Variants in DEPDC5 observed in about 807,000 individuals in gnomAD.
DEPDC5 encodes GATOR1 complex protein DEPDC5.
A neutral mutation model predicts 217.3 loss-of-function variants in DEPDC5; 73 were observed. The observed-to-expected ratio is 0.34, with a 90% CI of 0.28 to 0.41. DEPDC5 has a LOEUF of 0.41. DEPDC5 is among the 10% of genes least tolerant of loss of function. The pLI is 1.00. For synonymous variants in DEPDC5, 733 were observed against 756.7 expected (o/e 0.97, Z 0.51); for missense variants, 1,675 against 2,070.1 (o/e 0.81, Z 3.70).
intron 7 of DEPDC5, among the ~76,000 whole-genome samples, chr22:31,775,219 G>A (rs1167271759): frequency 6.7e-6 from 1 of 149,504 alleles, no homozygotes; most frequent in East Asian, 2.0e-4. Context: ...TACTCTTGTT[G>A]CCCAGGCTGG....
chr22:31,898,112 T>G (rs1467071946), intron 40 of DEPDC5, among the ~76,000 whole-genome samples: 1 of 152,132 alleles, frequency 6.6e-6, no homozygotes, highest in African/African-American at 2.4e-5. Flanking sequence ...CATCCTTTTG[T>G]GCAAAGCTGT....
chr22:31,772,280 G>A (rs2083433832), intron 7 of DEPDC5, among the ~76,000 whole-genome samples: 1 of 152,068 alleles, frequency 6.6e-6, no homozygotes, highest in Non-Finnish European at 1.5e-5. Flanking sequence ...AAACATCCAA[G>A]CAACTAAAGC....
chr22:31,822,559 G>C (rs1194685110), intron 23 of DEPDC5, 134 bp from the exon 24 acceptor site: 1 of 766,002 alleles, frequency 1.3e-6, no homozygotes, highest in East Asian at 2.8e-5. Flanking sequence ...GATTCCAGTG[G>C]CTGCCAGCTT....
Position 31,862,050 on chromosome 22 carries a change from C to T in DEPDC5, c.3330+617C>T, listed in dbSNP as rs564668693. Among the ~76,000 whole-genome samples, 10 of 152,040 alleles carry T rather than the reference C, an allele frequency of 6.6e-5. No homozygotes were observed. The South Asian group carries it at 2.1e-3, about 32-fold the overall frequency. The stretch of plus-strand genomic sequence containing the variant: ...GGTCAGGAGTTCAGTTTGAGACCAG[C>T]CTCAACATGGAGAAACCCCATCTCT... On this transcript the variant is annotated intron_variant, in intron 33 of 42. Coordinates refer to ENST00000651528, the MANE Select transcript of DEPDC5 (RefSeq NM_001242896.3).
chr22:31,770,547 A>ATTTTTTTTTTTTTTTT (rs34409975), intron 7 of DEPDC5, among the ~76,000 whole-genome samples: 61 of 133,456 alleles, frequency 4.6e-4, no homozygotes, highest in African/African-American at 7.5e-4. Context: ...CACGTAGCTA[A>ATTTTTTTTTTTTTTTT]TTTTTTTTTT....
intron 24 of DEPDC5, among the ~76,000 whole-genome samples, chr22:31,824,707 C>T (rs557705614): frequency 2.0e-5 from 3 of 152,108 alleles, no homozygotes; most frequent in Admixed American, 2.0e-4. Flanking sequence ...GTGGCTCACA[C>T]CTGTAATCCC....
intron 32 of DEPDC5, 27 bp downstream of exon 32, chr22:31,857,580 C>T (rs752272714): frequency 1.9e-6 from 3 of 1,567,124 alleles, no homozygotes; most frequent in Non-Finnish European, 2.6e-6. Flanking sequence ...TAGCAGGGAG[C>T]TGTTCTGTGC....
At chr22:31,828,693 A>G (rs2090354852) in intron 24 of DEPDC5, among the ~76,000 whole-genome samples, 2 of 151,958 alleles carry the variant, frequency 1.3e-5, no homozygotes, top group Non-Finnish European at 2.9e-5. Context: ...CTCAGTTTTC[A>G]TGGAACATGT....
chr22:31,825,621 A>C (rs2090083768), intron 24 of DEPDC5, among the ~76,000 whole-genome samples: 1 of 151,874 alleles, frequency 6.6e-6, no homozygotes, highest in African/African-American at 2.4e-5. Context: ...CTCCGTTCTC[A>C]CTGCATTGTT....
chr22:31,802,247 G>C (rs980586275), intron 14 of DEPDC5, among the ~76,000 whole-genome samples: 13 of 149,850 alleles, frequency 8.7e-5, no homozygotes, highest in South Asian at 8.4e-4. Context: ...TCCCATCTCA[G>C]CCTCCCACAT....
intron 26 of DEPDC5, 99 bp downstream of exon 26, chr22:31,837,254 C>A: frequency 7.7e-7 from 1 of 1,294,924 alleles, no homozygotes; most frequent in Non-Finnish European, 1.1e-6. Flanking sequence ...GCTTCAGCAA[C>A]ACATATATTA....
intron 32 of DEPDC5, among the ~76,000 whole-genome samples, chr22:31,859,558 ATTTTTT>A (rs1388581652): frequency 6.6e-6 from 1 of 150,984 alleles, no homozygotes; most frequent in East Asian, 2.0e-4. Flanking sequence ...TGGCCAGCTA[ATTTTTT>A]TTATTTTTAG....
chr22:31,902,373 C>T (rs1602963678), intron 41 of DEPDC5, among the ~76,000 whole-genome samples: 1 of 146,512 alleles, frequency 6.8e-6, no homozygotes, highest in Non-Finnish European at 1.5e-5. Flanking sequence ...GTAATCCTCT[C>T]ATTACACCTT....
rs190535290 is a variant in DEPDC5, at chr22:31,785,106, A to G, written c.624+231A>G. 3.6e-5 allele frequency: 16 copies of G among 438,908 alleles called. No homozygotes were observed. The Admixed American group carries it at 5.7e-4, about 16-fold the overall frequency. The allele number at this position is 438,908 out of a possible 1,614,324, so 27.2% of individuals were successfully genotyped here. On this transcript the variant is annotated intron_variant, in intron 10 of 42. Transcript: ENST00000651528. ...AAACTTTCCCCCAAGATCAGTAACA[A>G]GGTAAGTATGCTTGCTTTTGCCACT...
intron 6 of DEPDC5, among the ~76,000 whole-genome samples, chr22:31,767,450 C>A (rs142817153): frequency 6.6e-6 from 1 of 152,100 alleles, no homozygotes; most frequent in African/African-American, 2.4e-5. Context: ...CATGCACCAC[C>A]GCACCTGGCT....
intron 10 of DEPDC5, among the ~76,000 whole-genome samples, chr22:31,787,942 A>G (rs912003708): frequency 1.3e-5 from 2 of 152,112 alleles, no homozygotes; most frequent in African/African-American, 2.4e-5. Context: ...TAACTCAAGA[A>G]CGAAAAGAAA....
intron 18 of DEPDC5, among the ~76,000 whole-genome samples, chr22:31,807,252 C>T (rs1412109643): frequency 6.6e-6 from 1 of 152,052 alleles, no homozygotes; most frequent in South Asian, 2.1e-4. Context: ...TTGGGGCATG[C>T]GATGTAAGGA....
At chr22:31,868,266 T>G (rs1294868871) in intron 33 of DEPDC5, among the ~76,000 whole-genome samples, 1 of 152,042 alleles carries the variant, frequency 6.6e-6, no homozygotes, top group Non-Finnish European at 1.5e-5. Flanking sequence ...TTGTCATAAT[T>G]GGGGGTTGGG....
At chr22:31,845,263 T>G (rs2091660064) in intron 30 of DEPDC5, 26 bp downstream of exon 30, 6 of 1,600,174 alleles carry the variant, frequency 3.7e-6, no homozygotes, top group Non-Finnish European at 4.3e-6. Flanking sequence ...ACTCAGGGAG[T>G]GCGCCTGGTG....
Sources: allele counts gnomAD v4.1 joint callset (sites outside exome capture counted in the v4.1 genomes callset), GRCh38; gene constraint gnomAD v4.1.1; transcripts MANE v1.5; gene names NCBI Gene and HGNC (gene_info 2026-07-23, HGNC 2026-07-21).